The following SMCO1 variants were observed in gnomAD, a reference collection of about 807,000 sequenced individuals.
The protein encoded by SMCO1 is single-pass membrane protein with coiled-coil domains 1.
A neutral mutation model predicts 7.5 loss-of-function variants in SMCO1; 9 were observed. The observed-to-expected ratio is 1.20, with a 90% CI of 0.72 to 2.09. The LOEUF is 2.09. Ranked by LOEUF, SMCO1 falls within the 30% of genes most tolerant of loss-of-function variation. SMCO1 has a pLI of 0.00. For synonymous variants in SMCO1, 90 were observed against 93.8 expected (o/e 0.96, Z 0.23); for missense variants, 219 against 253.1 (o/e 0.87, Z 0.91).
chr3:196,516,046 T>C (rs531490399), upstream of SMCO1, among the ~76,000 whole-genome samples: 727 of 91,292 alleles, frequency 8.0e-3, 16 homozygotes, highest in African/African-American at 0.041. Flanking sequence ...TATATAAAAT[T>C]ATACATATAA....
At chr3:196,518,325 C>G (rs1282972101), upstream of SMCO1, among the ~76,000 whole-genome samples, 3 of 152,232 alleles carry the variant, frequency 2.0e-5, no homozygotes, top group East Asian at 5.8e-4. Context: ...GCCCTCCTCC[C>G]ATTGTACAGG....
chr3:196,515,236 A>T lies in SMCO1; in HGVS notation c.-27T>A. ...TTCTGAAGGCAAAAGGAAAGAAAAC[A>T]AAAACAAAGCAAAACAAAAAAAGCA... On this transcript the variant is annotated 5_prime_UTR_variant, in exon 1 of 3. Coordinates refer to ENST00000397537, the MANE Select transcript of SMCO1 (RefSeq NM_001077657.3). 3 of 1,565,424 alleles carry T rather than the reference A, an allele frequency of 1.9e-6. No homozygotes were observed. Among genetic ancestry groups the T allele is most frequent in the Non-Finnish European group, 2.6e-6 (3 of 1,137,162 alleles).
upstream of SMCO1, among the ~76,000 whole-genome samples, chr3:196,516,733 G>A (rs747417954): frequency 5.3e-5 from 8 of 152,120 alleles, no homozygotes; most frequent in Non-Finnish European, 1.2e-4. Flanking sequence ...AGCACATAAG[G>A]CTTATAAGAG....
chr3:196,508,947 A>AG (rs1733134902), intron 2 of SMCO1, among the ~76,000 whole-genome samples: 1 of 149,100 alleles, frequency 6.7e-6, no homozygotes, highest in South Asian at 2.1e-4. Context: ...AAAAAAAAAA[A>AG]AAAAAAGAAA....
intron 1 of SMCO1, among the ~76,000 whole-genome samples, chr3:196,512,527 T>TG (rs1371597859): frequency 1.3e-5 from 2 of 148,520 alleles, no homozygotes; most frequent in Non-Finnish European, 3.0e-5. Flanking sequence ...TTTTTTTTTT[T>TG]TTTGAGATGG....
At chr3:196,519,746 GCACACAGAT>G (rs148392227), upstream of SMCO1, among the ~76,000 whole-genome samples, 618 of 152,242 alleles carry the variant, frequency 4.1e-3, 3 homozygotes, top group Non-Finnish European at 7.2e-3. Context: ...TTCCAGGGAG[GCACACAGAT>G]CACACAAGTC....
At chr3:196,509,897 T>G (rs1453527703) in intron 1 of SMCO1, among the ~76,000 whole-genome samples, 1 of 152,216 alleles carries the variant, frequency 6.6e-6, no homozygotes, top group African/African-American at 2.4e-5. Flanking sequence ...CCTTGTCCTT[T>G]CATTCCATAT....
intron 1 of SMCO1, among the ~76,000 whole-genome samples, chr3:196,514,923 G>A (rs567287640): frequency 3.9e-5 from 6 of 152,236 alleles, no homozygotes; most frequent in African/African-American, 1.4e-4. Context: ...TGTATTTTTA[G>A]TAGAGGCAGG....
upstream of SMCO1, among the ~76,000 whole-genome samples, chr3:196,517,104 C>CG (rs774749663): frequency 2.8e-5 from 1 of 35,738 alleles, no homozygotes; most frequent in African/African-American, 1.6e-4. Flanking sequence ...GACTCCATCG[C>CG]AAAAAAAAAA....
upstream of SMCO1, among the ~76,000 whole-genome samples, chr3:196,516,722 C>T (rs1733395279): frequency 6.6e-6 from 1 of 152,112 alleles, no homozygotes; most frequent in African/African-American, 2.4e-5. Context: ...AGCAGGGAGA[C>T]AGCACATAAG....
Position 196,508,165 on chromosome 3 carries a change from C to G in SMCO1, c.367G>C (p.Glu123Gln). ...AGCCCACACTCCTCCAGTATGGACT[C>G]CCATACAACTCTAACGCGCTTGTTC... ...VKNKRVRVVW[E>Q]SILEECGLQE... is the part of the protein sequence containing the mutation. Residue 123 changes from glutamate (E) to glutamine (Q), a missense_variant, in exon 3 of 3, where the codon GAG becomes CAG. Glu to Gln is a conservative substitution (Grantham distance 29). Coordinates refer to ENST00000397537, the MANE Select transcript of SMCO1 (RefSeq NM_001077657.3). The G allele has an allele frequency of 6.2e-7, 1 of 1,614,090 alleles. No individual in the cohort carries two copies. The highest frequency in any genetic ancestry group is 8.5e-7 in the Non-Finnish European group (1 of 1,179,958).
intron 1 of SMCO1, 103 bp downstream of exon 1, chr3:196,515,057 T>G: frequency 4.4e-6 from 6 of 1,370,548 alleles, no homozygotes; most frequent in South Asian, 2.3e-5. Flanking sequence ...AGAATTCTAA[T>G]GAGCATGTCT....
At chr3:196,518,558 A>C (rs1301361853), upstream of SMCO1, among the ~76,000 whole-genome samples, 2 of 151,476 alleles carry the variant, frequency 1.3e-5, no homozygotes, top group Non-Finnish European at 3.0e-5. Context: ...CAAGTGATCC[A>C]CCTGCCTCAG....
At chr3:196,513,344 A>C (rs1049773525) in intron 1 of SMCO1, among the ~76,000 whole-genome samples, 1 of 151,390 alleles carries the variant, frequency 6.6e-6, no homozygotes, top group Non-Finnish European at 1.5e-5. Flanking sequence ...AAAAAAAAGA[A>C]AGTTGGCCGG....
At chr3:196,517,525 T>A (rs767963594), upstream of SMCO1, among the ~76,000 whole-genome samples, 7 of 151,942 alleles carry the variant, frequency 4.6e-5, no homozygotes, top group South Asian at 6.2e-4. Flanking sequence ...GGGGAGAGGG[T>A]GTGGAAGCTC....
At chr3:196,508,948 AAAAAAG>A in intron 2 of SMCO1, among the ~76,000 whole-genome samples, 1 of 149,502 alleles carries the variant, frequency 6.7e-6, no homozygotes, top group African/African-American at 2.5e-5. Context: ...AAAAAAAAAA[AAAAAAG>A]AAAAAAAAAT....
In SMCO1 at chr3:196,507,995, C is replaced by T; in HGVS notation, c.537G>A (p.Gln179=). 1 of 1,614,176 alleles carries T rather than the reference C, an allele frequency of 6.2e-7. No homozygotes were observed. Among genetic ancestry groups the T allele is most frequent in the Non-Finnish European group, 8.5e-7 (1 of 1,180,034 alleles). The part of the protein sequence containing the change: ...ITNMVKNQAL[Q]DSLLRAVQVI... ...CCTGCACAGCCCTCAGCAAACTGTC[C>T]TGCAGAGCCTGGTTCTTTACCATGT... Residue 179 remains glutamine (Q), a synonymous_variant, in exon 3 of 3, where the codon CAG becomes CAA. Transcript: ENST00000397537.
At chr3:196,516,074 T>C (rs893882515), upstream of SMCO1, among the ~76,000 whole-genome samples, 5 of 138,890 alleles carry the variant, frequency 3.6e-5, no homozygotes, top group African/African-American at 1.0e-4. Flanking sequence ...TAATATATAA[T>C]TTATATCGTA....
rs900104397 is a variant in SMCO1, at chr3:196,515,301, C to A, written c.-92G>T. 2.2e-6 allele frequency: 2 copies of A among 896,766 alleles called. No homozygotes were observed. The highest frequency in any genetic ancestry group is 2.4e-5 in the East Asian group (1 of 41,458). The allele number at this position is 896,766 out of a possible 1,614,324, so 55.6% of individuals were successfully genotyped here. On this transcript the variant is annotated 5_prime_UTR_variant, in exon 1 of 3. Coordinates refer to ENST00000397537, the MANE Select transcript of SMCO1 (RefSeq NM_001077657.3). The stretch of plus-strand genomic sequence containing the variant: ...CCAGAATTTTCTGCGGTCTTCCTCT[C>A]AGCAACAGGCAGCAGTAGCAGGAGC...
Sources: allele counts gnomAD v4.1 joint callset (sites outside exome capture counted in the v4.1 genomes callset), GRCh38; gene constraint gnomAD v4.1.1; transcripts MANE v1.5; gene names NCBI Gene and HGNC (gene_info 2026-07-23, HGNC 2026-07-21).